The following ATP2B2 variants were observed in gnomAD, a reference collection of about 807,000 sequenced individuals.
The protein encoded by ATP2B2 is plasma membrane calcium-transporting ATPase 2.
Under a neutral mutation model 120.0 loss-of-function variants are expected in ATP2B2, and 15 were observed. The ratio of observed to expected loss-of-function variants is 0.12; its 90% CI spans 0.08 to 0.19. The LOEUF is 0.19. Ranked by LOEUF, ATP2B2 falls within the 10% of genes least tolerant of loss-of-function variation. ATP2B2 has a pLI of 1.00. For missense variants in ATP2B2, 1,045 were observed against 1,719.8 expected (o/e 0.61, Z 6.94); for synonymous variants, 694 against 700.3 (o/e 0.99, Z 0.14).
At chr3:10,488,495 C>CTTCG (rs1559402956) in intron 1 of ATP2B2, among the ~76,000 whole-genome samples, 1 of 99,014 alleles carries the variant, frequency 1.0e-5, no homozygotes, top group African/African-American at 4.6e-5. Context: ...TCCTTCCTTC[C>CTTCG]TTCCTTCCTT....
At chr3:10,556,088 G>A (rs1359957859) in intron 2 of ATP2B2, among the ~76,000 whole-genome samples, 1 of 152,094 alleles carries the variant, frequency 6.6e-6, no homozygotes, top group Non-Finnish European at 1.5e-5. Flanking sequence ...TAGTAGAGAC[G>A]AGGGTTTCAC....
chr3:10,683,760 G>GTGTGTGTATATATATATATATATA (rs1446781892), intron 1 of ATP2B2, among the ~76,000 whole-genome samples: 1 of 53,886 alleles, frequency 1.9e-5, no homozygotes, highest in African/African-American at 5.6e-5. Context: ...GTGTGTGTGT[G>GTGTGTGTATATATATATATATATA]TATATATATA....
At chr3:10,369,362 CT>C (rs1219694244) in intron 12 of ATP2B2, among the ~76,000 whole-genome samples, 3 of 152,158 alleles carry the variant, frequency 2.0e-5, no homozygotes, top group Admixed American at 6.5e-5. Flanking sequence ...ATCTCACCTT[CT>C]GGACCCCAGA....
upstream of ATP2B2, among the ~76,000 whole-genome samples, chr3:10,509,572 T>C (rs1175598953): frequency 1.3e-5 from 2 of 152,172 alleles, no homozygotes; most frequent in African/African-American, 2.4e-5. Context: ...CAAAGCAAGA[T>C]TGAGGGTCCC....
At chr3:10,545,729 T>A (rs996018543) in intron 2 of ATP2B2, among the ~76,000 whole-genome samples, 54 of 152,258 alleles carry the variant, frequency 3.5e-4, no homozygotes, top group African/African-American at 1.3e-3. Flanking sequence ...TTGTTAGCGG[T>A]GGTTTTTTTA....
chr3:10,624,946 G>A (rs569191985), intron 1 of ATP2B2, among the ~76,000 whole-genome samples: 1 of 152,234 alleles, frequency 6.6e-6, no homozygotes, highest in African/African-American at 2.4e-5. Flanking sequence ...ATGGCACCAG[G>A]CTGGAGCCAA....
intron 1 of ATP2B2, among the ~76,000 whole-genome samples, chr3:10,671,444 T>G (rs2071093536): frequency 2.0e-5 from 3 of 152,284 alleles, no homozygotes; most frequent in African/African-American, 4.8e-5. Flanking sequence ...TCCAGCTCAG[T>G]AGGTCTAGTC....
At chr3:10,609,095 C>T (rs956407600) in intron 2 of ATP2B2, among the ~76,000 whole-genome samples, 2 of 152,230 alleles carry the variant, frequency 1.3e-5, no homozygotes, top group African/African-American at 2.4e-5. Context: ...GAGCTGTTTC[C>T]TCCTCCAATC....
chr3:10,544,856 T>C (rs2125501338), intron 2 of ATP2B2, among the ~76,000 whole-genome samples: 1 of 152,318 alleles, frequency 6.6e-6, no homozygotes, highest in East Asian at 1.9e-4. Context: ...TGCTCAACTC[T>C]TGTTTCCACC....
chr3:10,355,068 T>C (rs1447392084), intron 14 of ATP2B2, among the ~76,000 whole-genome samples: 1 of 151,844 alleles, frequency 6.6e-6, no homozygotes, highest in Non-Finnish European at 1.5e-5. Flanking sequence ...GGGGCAGGAA[T>C]GACCTACCTA....
At chr3:10,627,013 C>T (rs1180152338) in intron 1 of ATP2B2, among the ~76,000 whole-genome samples, 1 of 152,190 alleles carries the variant, frequency 6.6e-6, no homozygotes, top group Non-Finnish European at 1.5e-5. Context: ...AACTCACTCC[C>T]CAGACTCGGA....
chr3:10,551,267 T>C (rs1375199573), intron 2 of ATP2B2, among the ~76,000 whole-genome samples: 1 of 152,158 alleles, frequency 6.6e-6, no homozygotes, highest in Admixed American at 6.5e-5. Context: ...GATCAGTGAA[T>C]TCAGTGGGGG....
intron 2 of ATP2B2, among the ~76,000 whole-genome samples, chr3:10,599,325 G>A (rs1036763707): frequency 6.6e-6 from 1 of 152,066 alleles, no homozygotes; most frequent in Admixed American, 6.6e-5. Context: ...AATTGGCCTC[G>A]CCCTCCTGAG....
chr3:10,458,620 T>C (rs2064360392), intron 1 of ATP2B2, among the ~76,000 whole-genome samples: 1 of 120,866 alleles, frequency 8.3e-6, no homozygotes, highest in Non-Finnish European at 1.7e-5. Flanking sequence ...ATCCACTCAG[T>C]TTTGATCTTG....
At chr3:10,467,046 A>T (rs1363033110) in intron 1 of ATP2B2, among the ~76,000 whole-genome samples, 1 of 152,144 alleles carries the variant, frequency 6.6e-6, no homozygotes, top group Non-Finnish European at 1.5e-5. Flanking sequence ...CCCACCTGAA[A>T]ACTAAAGAGG....
chr3:10,553,897 G>C (rs1411963830), intron 2 of ATP2B2, among the ~76,000 whole-genome samples: 1 of 151,844 alleles, frequency 6.6e-6, no homozygotes, highest in Non-Finnish European at 1.5e-5. Context: ...AGGCATCCTT[G>C]AGTGACATCC....
chr3:10,463,689 T>A (rs1158236075), intron 1 of ATP2B2, among the ~76,000 whole-genome samples: 1 of 152,236 alleles, frequency 6.6e-6, no homozygotes, highest in African/African-American at 2.4e-5. Context: ...CACTGCAGCA[T>A]GTGGGTCAGG....
chr3:10,671,485 A>G (rs907877717), intron 1 of ATP2B2, among the ~76,000 whole-genome samples: 1 of 152,134 alleles, frequency 6.6e-6, no homozygotes, highest in African/African-American at 2.4e-5. Context: ...GAAATCCCAC[A>G]TCCCAGGAAG....
intron 1 of ATP2B2, among the ~76,000 whole-genome samples, chr3:10,631,151 G>C (rs906617232): frequency 6.6e-6 from 1 of 152,188 alleles, no homozygotes; most frequent in African/African-American, 2.4e-5. Flanking sequence ...CTACCTGGGA[G>C]GGTGGTAACA....
Sources: allele counts gnomAD v4.1 joint callset (sites outside exome capture counted in the v4.1 genomes callset), GRCh38; gene constraint gnomAD v4.1.1; transcripts MANE v1.5; gene names NCBI Gene and HGNC (gene_info 2026-07-23, HGNC 2026-07-21).